The following MIPEP variants were observed in gnomAD, a reference collection of about 807,000 sequenced individuals.
The protein encoded by MIPEP is mitochondrial intermediate peptidase.
MIPEP carries 79 observed loss-of-function variants against 90.3 expected under a neutral mutation model. That is an observed-to-expected ratio of 0.87 (90% CI 0.73 to 1.05). The LOEUF (loss-of-function observed/expected upper bound fraction) is 1.05. Among genes scored for constraint, MIPEP ranks in the 50% least tolerant of loss-of-function variants. The pLI, the probability that MIPEP is intolerant of heterozygous loss-of-function variation, is 0.00. For missense variants in MIPEP, 940 were observed against 905.6 expected (o/e 1.04, Z -0.49); for synonymous variants, 334 against 315.8 (o/e 1.06, Z -0.61).
chr13:23,760,193 G>A lies in MIPEP; in HGVS notation c.1873C>T (p.Leu625Phe). The A allele has an allele frequency of 6.2e-7, 1 of 1,614,104 alleles. No homozygotes were observed. Among genetic ancestry groups the A allele is most frequent in the Non-Finnish European group, 8.5e-7 (1 of 1,180,006 alleles). Residue 625 changes from leucine to phenylalanine, a missense_variant, in exon 17 of 19, where the codon CTC (leucine) becomes TTC (phenylalanine). Physicochemically the swap from Leu to Phe is conservative, Grantham distance 22. Coordinates refer to ENST00000382172, the MANE Select transcript of MIPEP (RefSeq NM_005932.4). ...TAATATCTAGCACCATACCCCACGA[G>A]GTGGCTGAATCGCAGCTGCCAGGCC... Reference protein sequence around the residue: ...NTAWQLRFSHLVGYGARYYSY... With the variant: ...NTAWQLRFSHFVGYGARYYSY...
chr13:23,761,106 G>A (rs2138517470), intron 16 of MIPEP, among the ~76,000 whole-genome samples: 1 of 151,270 alleles, frequency 6.6e-6, no homozygotes, highest in East Asian at 1.9e-4. Flanking sequence ...TATACAAAGA[G>A]GGGTAATCTG....
chr13:23,834,769 C>T (rs1593180918), intron 14 of MIPEP, among the ~76,000 whole-genome samples: 2 of 152,290 alleles, frequency 1.3e-5, no homozygotes, highest in East Asian at 1.9e-4. Flanking sequence ...GCTCTAAGCA[C>T]CTCAGGCAGG....
At chr13:23,744,335 C>T (rs895221296) in intron 18 of MIPEP, among the ~76,000 whole-genome samples, 2 of 152,110 alleles carry the variant, frequency 1.3e-5, no homozygotes, top group African/African-American at 4.8e-5. Context: ...ACTGTATTCC[C>T]AACAAGGCAA....
intron 16 of MIPEP, among the ~76,000 whole-genome samples, chr13:23,792,908 A>C (rs561639709): frequency 2.0e-5 from 3 of 152,306 alleles, no homozygotes; most frequent in African/African-American, 7.2e-5. Flanking sequence ...CCACAGTGAG[A>C]TCATTCTCCA....
chr13:23,875,466 A>G (rs887768792), intron 4 of MIPEP, among the ~76,000 whole-genome samples: 2 of 151,758 alleles, frequency 1.3e-5, no homozygotes, highest in Non-Finnish European at 2.9e-5. Flanking sequence ...TTCTTGGCTA[A>G]TGAGAATTGT....
At chr13:23,855,815 C>T (rs934406355) in intron 10 of MIPEP, among the ~76,000 whole-genome samples, 1 of 152,322 alleles carries the variant, frequency 6.6e-6, no homozygotes, top group Non-Finnish European at 1.5e-5. Context: ...AGTATTAAAA[C>T]TTTAAAATAA....
chr13:23,850,031 T>C (rs1869732831), intron 10 of MIPEP, among the ~76,000 whole-genome samples: 1 of 152,160 alleles, frequency 6.6e-6, no homozygotes, highest in Non-Finnish European at 1.5e-5. Flanking sequence ...TGAGAGCAAA[T>C]GTGACAGAGA....
intron 18 of MIPEP, among the ~76,000 whole-genome samples, chr13:23,742,770 G>T (rs1374041726): frequency 6.6e-6 from 1 of 152,078 alleles, no homozygotes; most frequent in African/African-American, 2.4e-5. Flanking sequence ...TCTACTAAAA[G>T]AAATAAAAGA....
intron 4 of MIPEP, among the ~76,000 whole-genome samples, chr13:23,877,373 G>A (rs1232789493): frequency 6.6e-6 from 1 of 152,122 alleles, no homozygotes; most frequent in Non-Finnish European, 1.5e-5. Flanking sequence ...TCCAACGTGT[G>A]TTACAGCTTT....
chr13:23,771,628 A>AGC (rs1952652976), intron 16 of MIPEP, among the ~76,000 whole-genome samples: 1 of 151,912 alleles, frequency 6.6e-6, no homozygotes, highest in African/African-American at 2.4e-5. Flanking sequence ...GCTTCTCATA[A>AGC]GCTTAGGCCA....
At chr13:23,849,116 C>T (rs151043432) in intron 10 of MIPEP, among the ~76,000 whole-genome samples, 4 of 152,340 alleles carry the variant, frequency 2.6e-5, no homozygotes, top group African/African-American at 9.6e-5. Context: ...CATGTGGCTC[C>T]GCCTGCCTCC....
chr13:23,795,129 C>A (rs1297803991), intron 16 of MIPEP, among the ~76,000 whole-genome samples: 2 of 151,978 alleles, frequency 1.3e-5, no homozygotes, highest in Admixed American at 1.3e-4. Context: ...CAGGCACTAA[C>A]TTCACCTCAT....
chr13:23,856,015 G>T (rs932835067), intron 10 of MIPEP, among the ~76,000 whole-genome samples: 1 of 152,186 alleles, frequency 6.6e-6, no homozygotes, highest in Non-Finnish European at 1.5e-5. Flanking sequence ...TACTGGTCTA[G>T]ATACAAGTTT....
In MIPEP at chr13:23,825,908, C is replaced by T. The variant is rs78610486; in HGVS notation, c.1653+10332G>A. On this transcript the variant is annotated intron_variant, in intron 14 of 18. Transcript: ENST00000382172. ...AGTGAGTATTAACTTCTCTTAACAT[C>T]GCTTTAAAAATATTCAGTGAGAAAG... Among the ~76,000 whole-genome samples, 1,345 of 152,122 alleles carry T rather than the reference C, an allele frequency of 8.8e-3. 11 individuals carry two copies. The highest frequency in any genetic ancestry group is 0.021 in the South Asian group (99 of 4,798).
intron 10 of MIPEP, among the ~76,000 whole-genome samples, chr13:23,848,921 G>A (rs532963103): frequency 3.3e-5 from 5 of 152,212 alleles, no homozygotes; most frequent in Non-Finnish European, 7.3e-5. Flanking sequence ...AAAAGCTACA[G>A]GGTGTTTCCC....
chr13:23,782,887 T>C (rs1317265944), intron 16 of MIPEP, among the ~76,000 whole-genome samples: 4 of 151,874 alleles, frequency 2.6e-5, no homozygotes, highest in Admixed American at 2.0e-4. Context: ...ACACATACAC[T>C]CTCCCAAGAC....
rs1199911163 is a variant in MIPEP at position 23,760,095 on chromosome 13, C to T, written c.1970+1G>A. 1 of 1,614,110 alleles carries T rather than the reference C, an allele frequency of 6.2e-7. No homozygotes were observed. The highest frequency in any genetic ancestry group is 1.1e-5 in the South Asian group (1 of 91,086). ...GGACATTTTAGAACTTACCCCCTTA[C>T]CTGTTGAAAGGATCCTGTAGAAAAC... On this transcript the variant is annotated splice_donor_variant, in intron 17 of 18. Transcript: ENST00000382172. LOFTEE classifies it high-confidence loss of function.
At chr13:23,758,127 C>G (rs1054346845) in intron 17 of MIPEP, among the ~76,000 whole-genome samples, 1 of 152,162 alleles carries the variant, frequency 6.6e-6, no homozygotes, top group Non-Finnish European at 1.5e-5. Flanking sequence ...GGTGGCGCCT[C>G]CCCTCAGGGG....
chr13:23,879,182 T>C (rs1409325594), intron 4 of MIPEP, 86 bp downstream of exon 4: 3 of 766,260 alleles, frequency 3.9e-6, no homozygotes, highest in Admixed American at 2.2e-5. Flanking sequence ...CAACAGAGGC[T>C]GCAAGTACAG....
Sources: allele counts gnomAD v4.1 joint callset (sites outside exome capture counted in the v4.1 genomes callset), GRCh38; gene constraint gnomAD v4.1.1; transcripts MANE v1.5; gene names NCBI Gene and HGNC (gene_info 2026-07-23, HGNC 2026-07-21).